The following ESR1 variants were observed in gnomAD, a reference collection of about 807,000 sequenced individuals.
The protein encoded by ESR1 is estrogen receptor 1.
A neutral mutation model predicts 52.7 loss-of-function variants in ESR1; 12 were observed. That is an observed-to-expected ratio of 0.23 (90% confidence interval 0.15 to 0.37). The LOEUF (loss-of-function observed/expected upper bound fraction) is 0.37, where lower values mean the gene tolerates loss of function less well. Among genes scored for constraint, ESR1 ranks in the 10% least tolerant of loss-of-function variants. The probability of loss-of-function intolerance (pLI) is 1.00; values close to 1 mark genes in which losing one functional copy is unlikely to be tolerated. For synonymous variants in ESR1, 305 were observed against 316.8 expected, an observed-to-expected ratio of 0.96 and a Z score of 0.39; for missense variants, 584 against 779.7, an observed-to-expected ratio of 0.75 and a Z score of 2.99.
chr6:151,866,323 CTAGTAGTTATTTCTT>C (rs1474094292), intron 2 of ESR1, among the ~76,000 whole-genome samples: 1 of 149,862 alleles, frequency 6.7e-6, no homozygotes. Context: ...AGAAAGTAGA[CTAGTAGTTATTTCTT>C]TTTTTTTGCT....
At chr6:152,129,569 A>T (rs531904929) in exon 7 of ESR1, 1 of 148,282 alleles carries the variant, frequency 6.7e-6, no homozygotes, top group African/African-American at 2.5e-5. Context: ...AAAAAAAAAA[A>T]CTCATAAAAT....
chr6:151,740,416 G>A (rs954464978), intron 2 of ESR1, among the ~76,000 whole-genome samples: 2 of 150,830 alleles, frequency 1.3e-5, no homozygotes, highest in East Asian at 1.9e-4. Context: ...GATTACAGGC[G>A]TGAGCCACCA....
exon 7 of ESR1, chr6:152,127,110 A>G (rs2053731163): frequency 6.6e-6 from 1 of 152,046 alleles, no homozygotes; most frequent in Non-Finnish European, 1.5e-5. Context: ...TTTTTTTCCA[A>G]ACCAAACATT....
intron 6 of ESR1, among the ~76,000 whole-genome samples, chr6:152,085,544 A>G (rs1001468538): frequency 2.0e-5 from 3 of 152,056 alleles, no homozygotes; most frequent in Non-Finnish European, 2.9e-5. Flanking sequence ...GGCTGGAACC[A>G]CCTTGAGGCA....
chr6:151,928,527 G>T (rs1287444187), intron 3 of ESR1, among the ~76,000 whole-genome samples: 1 of 151,924 alleles, frequency 6.6e-6, no homozygotes, highest in East Asian at 1.9e-4. Context: ...CCATTGTGAA[G>T]TCAAAAAAAA....
At chr6:151,916,863 G>A in intron 3 of ESR1, among the ~76,000 whole-genome samples, 1 of 152,198 alleles carries the variant, frequency 6.6e-6, no homozygotes, top group South Asian at 2.1e-4. Context: ...ATATATTTAA[G>A]GTGACAGAGT....
intron 1 of ESR1, among the ~76,000 whole-genome samples, chr6:151,684,085 G>A (rs1181118816): frequency 6.6e-6 from 1 of 151,982 alleles, no homozygotes; most frequent in Non-Finnish European, 1.5e-5. Flanking sequence ...TTCCTTGCTG[G>A]CACAGAGGAG....
At chr6:151,964,475 T>A (rs966553659) in intron 4 of ESR1, among the ~76,000 whole-genome samples, 1 of 152,164 alleles carries the variant, frequency 6.6e-6, no homozygotes, top group African/African-American at 2.4e-5. Context: ...GGATAATTCT[T>A]TATTATTATA....
chr6:151,745,155 T>C (rs1057118645), intron 2 of ESR1, among the ~76,000 whole-genome samples: 10 of 152,192 alleles, frequency 6.6e-5, no homozygotes, highest in African/African-American at 2.4e-4. Flanking sequence ...ATAAAATAGT[T>C]CAAATATTCA....
Position 151,868,176 on chromosome 6 carries a change from A to G in ESR1, c.644-12479A>G, listed in dbSNP as rs1029739251. ...GGAGTCTCGCTCTGTCACCCAGGCT[A>G]GAGTGCAATGGCTTGATCTCGGCTC... On this transcript the variant is annotated intron_variant, in intron 2 of 7. Coordinates refer to ENST00000206249, the MANE Select transcript of ESR1 (RefSeq NM_000125.4). Among the ~76,000 whole-genome samples, 7 of 151,788 alleles carry G rather than the reference A, an allele frequency of 4.6e-5. 1 individual carries two copies. The highest frequency in any genetic ancestry group is 7.4e-5 in the Non-Finnish European group (5 of 67,946).
chr6:151,771,766 A>C (rs1785537479), intron 2 of ESR1, among the ~76,000 whole-genome samples: 1 of 152,172 alleles, frequency 6.6e-6, no homozygotes, highest in African/African-American at 2.4e-5. Context: ...TTCACTTTTT[A>C]CATTATACTT....
At chr6:151,971,153 A>C (rs1339137208) in intron 4 of ESR1, among the ~76,000 whole-genome samples, 1 of 152,128 alleles carries the variant, frequency 6.6e-6, no homozygotes, top group Admixed American at 6.6e-5. Context: ...GCTAGCAGAG[A>C]CTTGGGGGGA....
chr6:152,120,980 A>ACT (rs970946419), intron 6 of ESR1, among the ~76,000 whole-genome samples: 9 of 151,316 alleles, frequency 5.9e-5, no homozygotes, highest in Admixed American at 2.0e-4. Flanking sequence ...AAGAGGAGAT[A>ACT]CTCTCTCTCT....
At chr6:151,924,304 G>C (rs2032281139) in intron 3 of ESR1, among the ~76,000 whole-genome samples, 1 of 152,140 alleles carries the variant, frequency 6.6e-6, no homozygotes, top group Non-Finnish European at 1.5e-5. Flanking sequence ...GCCTCCCAAA[G>C]TGCTGGGATT....
Position 152,061,040 on chromosome 6 carries a change from C to T in ESR1, c.1285C>T (p.Leu429=), listed in dbSNP as rs2128957953. The change falls in exon 6 of 8, where the codon CTG becomes TTG. Residue 429 remains leucine (L), a synonymous_variant. Coordinates refer to ENST00000206249, the MANE Select transcript of ESR1 (RefSeq NM_000125.4). This position sits in a 1 kb window ranked among gnomAD's most constrained non-coding sequence, Gnocchi z 4.3. The part of the protein sequence containing the change: ...EGMVEIFDML[L]ATSSRFRMMN... ...CATGGTGGAGATCTTCGACATGCTG[C>T]TGGCTACATCATCTCGGTTCCGCAT... 1 of 1,612,882 alleles carries T rather than the reference C, an allele frequency of 6.2e-7. No individual in the cohort carries two copies. The highest frequency in any genetic ancestry group is 8.5e-7 in the Non-Finnish European group (1 of 1,179,128).
intron 2 of ESR1, among the ~76,000 whole-genome samples, chr6:151,711,859 C>G (rs944655492): frequency 3.9e-5 from 6 of 152,094 alleles, no homozygotes; most frequent in African/African-American, 1.2e-4. Flanking sequence ...TAATTAGATC[C>G]CATTCGTCAA....
intron 1 of ESR1, among the ~76,000 whole-genome samples, chr6:151,825,591 G>T (rs775452357): frequency 1.3e-5 from 2 of 152,082 alleles, no homozygotes; most frequent in Non-Finnish European, 2.9e-5. Flanking sequence ...AGGCATGTTT[G>T]GGAGTAAGAG....
At chr6:152,077,727 A>G (rs547309950) in intron 6 of ESR1, among the ~76,000 whole-genome samples, 1 of 152,266 alleles carries the variant, frequency 6.6e-6, no homozygotes, top group Admixed American at 6.5e-5. Flanking sequence ...TTAGAATTTG[A>G]CTGCCCTGGT....
At chr6:152,033,024 A>G (rs1036884308) in intron 5 of ESR1, among the ~76,000 whole-genome samples, 1 of 152,224 alleles carries the variant, frequency 6.6e-6, no homozygotes, top group Non-Finnish European at 1.5e-5. Flanking sequence ...AAACCTGAGA[A>G]AAACAAGAAA....
Sources: allele counts gnomAD v4.1 joint callset (sites outside exome capture counted in the v4.1 genomes callset), GRCh38; gene constraint gnomAD v4.1.1; non-coding constraint Gnocchi (gnomAD v3.1); transcripts MANE v1.5; gene names NCBI Gene and HGNC (gene_info 2026-07-23, HGNC 2026-07-21).